The following SAMD5 variants were observed in gnomAD, a reference collection of about 807,000 sequenced individuals.
SAMD5 encodes sterile alpha motif domain-containing protein 5.
SAMD5 carries 13 observed loss-of-function variants against 11.3 expected under a neutral mutation model. That is an observed-to-expected ratio of 1.15 (90% CI 0.75 to 1.83). SAMD5 has a LOEUF of 1.83. Among genes scored for constraint, SAMD5 ranks in the 40% most tolerant of loss-of-function variants. The pLI is 0.00. For missense variants in SAMD5, 255 were observed against 239.1 expected, an observed-to-expected ratio of 1.07 and a Z score of -0.44; for synonymous variants, 129 against 111.3, an observed-to-expected ratio of 1.16 and a Z score of -1.00.
At chr6:147,771,141 A>G in the SAMD5 span, among the ~76,000 whole-genome samples, 1 of 152,202 alleles carries the variant, frequency 6.6e-6, no homozygotes, top group South Asian at 2.1e-4. Flanking sequence ...GCTCACCTAC[A>G]ACAAGATGAA....
chr6:147,914,951 A>G, the SAMD5 span, among the ~76,000 whole-genome samples: 1 of 152,208 alleles, frequency 6.6e-6, no homozygotes, highest in African/African-American at 2.4e-5. Context: ...AAATTTACAT[A>G]TCATAAAAGG....
chr6:147,830,918 A>AACCTTTAC, the SAMD5 span, among the ~76,000 whole-genome samples: 1 of 152,236 alleles, frequency 6.6e-6, no homozygotes, highest in African/African-American at 2.4e-5. Flanking sequence ...TACCTCTTCT[A>AACCTTTAC]ACCTTTACAG....
At chr6:147,906,912 G>A in the SAMD5 span, among the ~76,000 whole-genome samples, 26 of 152,196 alleles carry the variant, frequency 1.7e-4, no homozygotes, top group Admixed American at 7.8e-4. Context: ...GAGGATTTAG[G>A]TGGCTTTGTC....
intron 1 of SAMD5, among the ~76,000 whole-genome samples, chr6:147,538,923 C>CT (rs1788555313): frequency 6.6e-6 from 1 of 152,032 alleles, no homozygotes; most frequent in Admixed American, 6.5e-5. Context: ...TTAATCAGAG[C>CT]TTTTTTATAT....
At chr6:147,895,287 G>T in the SAMD5 span, among the ~76,000 whole-genome samples, 1 of 152,010 alleles carries the variant, frequency 6.6e-6, no homozygotes, top group South Asian at 2.1e-4. Flanking sequence ...CCTGGAAAAT[G>T]CCCTTGTTAC....
chr6:147,533,087 G>C (rs1266095293), intron 1 of SAMD5, among the ~76,000 whole-genome samples: 1 of 152,064 alleles, frequency 6.6e-6, no homozygotes, highest in African/African-American at 2.4e-5. Flanking sequence ...GTTGGGAAGG[G>C]GGCTGGCGGT....
intron 1 of SAMD5, among the ~76,000 whole-genome samples, chr6:147,577,396 T>C (rs892453049): frequency 1.3e-5 from 2 of 152,210 alleles, no homozygotes; most frequent in Non-Finnish European, 2.9e-5. Flanking sequence ...TAGGTGTAAT[T>C]AATTAAGGCA....
intron 1 of SAMD5, among the ~76,000 whole-genome samples, chr6:147,682,364 A>G (rs148195955): frequency 1.4e-3 from 208 of 152,334 alleles, no homozygotes; most frequent in Middle Eastern, 3.4e-3. Context: ...TATCTTGACC[A>G]GAATTGGAAG....
At chr6:147,946,530 T>G in the SAMD5 span, among the ~76,000 whole-genome samples, 1 of 152,194 alleles carries the variant, frequency 6.6e-6, no homozygotes, top group Admixed American at 6.5e-5. Context: ...TATAATATCT[T>G]TATGGATTCC....
At chr6:147,643,891 G>GTCCTAAGGTAAAGAAGAGTCTTTACTA (rs1554239659) in intron 1 of SAMD5, among the ~76,000 whole-genome samples, 2 of 139,692 alleles carry the variant, frequency 1.4e-5, no homozygotes, top group African/African-American at 2.6e-5. Context: ...AGAAAGAAAT[G>GTCCTAAGGTAAAGAAGAGTCTTTACTA]ATAAGTTCCT....
chr6:147,884,878 T>C, the SAMD5 span, among the ~76,000 whole-genome samples: 6,831 of 152,168 alleles, frequency 0.045, 188 homozygotes, highest in Non-Finnish European at 0.058. Context: ...TATTAGGGAG[T>C]TGTCATCTTG....
At chr6:147,860,110 G>T in the SAMD5 span, among the ~76,000 whole-genome samples, 9 of 151,860 alleles carry the variant, frequency 5.9e-5, no homozygotes, top group East Asian at 1.4e-3. Flanking sequence ...GCAGGGCCTT[G>T]CTCTCTCTCT....
chr6:147,554,895 G>A (rs868165315), intron 1 of SAMD5, among the ~76,000 whole-genome samples: 1 of 152,140 alleles, frequency 6.6e-6, no homozygotes, highest in African/African-American at 2.4e-5. Context: ...GGCCCTTTCA[G>A]GGGGTCTGCA....
the SAMD5 span, among the ~76,000 whole-genome samples, chr6:147,880,217 C>T: frequency 8.4e-4 from 128 of 152,216 alleles, 4 homozygotes; most frequent in South Asian, 0.025. Context: ...AAAGTTCCAA[C>T]GACTTTGTCT....
intron 1 of SAMD5, among the ~76,000 whole-genome samples, chr6:147,559,587 C>T (rs1291990871): frequency 6.6e-6 from 1 of 151,992 alleles, no homozygotes; most frequent in Non-Finnish European, 1.5e-5. Context: ...GAATTTTTCT[C>T]CAGGAAGTAG....
chr6:147,567,050 G>C lies in SAMD5; in HGVS notation c.*2594G>C. On this transcript the variant is annotated 3_prime_UTR_variant, in exon 2 of 2. Transcript: ENST00000367474. ...TTACATTTCCTAGAGTATTAAAAGAGATTAATTACAGACTTTCACTTGATA... is the reference window on the plus strand; with the variant it reads ...TTACATTTCCTAGAGTATTAAAAGACATTAATTACAGACTTTCACTTGATA... 2.1e-6 allele frequency: 2 copies of C among 949,462 alleles called. 1 individual carries two copies. The highest frequency in any genetic ancestry group is 3.5e-5 in the African/African-American group (2 of 56,534). The allele number at this position is 949,462 out of a possible 1,614,324, so 58.8% of individuals were successfully genotyped here. A position where few individuals can be genotyped will look rare whatever the true frequency, so the allele number is the denominator to read the frequency against.
At position 147,566,426 on chromosome 6, in the gene SAMD5, T is replaced by C; in HGVS notation, c.*1970T>C. On this transcript the variant is annotated 3_prime_UTR_variant, in exon 2 of 2. Transcript: ENST00000367474. Reference sequence around the variant, plus strand: ...TCCTGTTTGACCTCATTTCCAGGTGTCGCATCCGTGGCTGATTTATTTCAC... The same window carrying C: ...TCCTGTTTGACCTCATTTCCAGGTGCCGCATCCGTGGCTGATTTATTTCAC... The C allele has an allele frequency of 1.0e-6, 1 of 985,152 alleles. No individual in the cohort carries two copies. Among genetic ancestry groups the C allele is most frequent in the Non-Finnish European group, 1.2e-6 (1 of 829,284 alleles). 61.0% of individuals were successfully genotyped at this position (985,152 alleles called of 1,614,324 possible). A position where few individuals can be genotyped will look rare whatever the true frequency, so the allele number is the denominator to read the frequency against.
Position 147,566,215 on chromosome 6 carries a change from A to T in SAMD5, c.*1759A>T. 1 of 976,664 alleles carries T rather than the reference A, an allele frequency of 1.0e-6. No individual in the cohort carries two copies. The allele number at this position is 976,664 out of a possible 1,614,324, so 60.5% of individuals were successfully genotyped here. ...TGTAAGGAAGTTAAATTTTAAAAGC[A>T]TGTATAGGTTGTCCTTAAATTATAC... On this transcript the variant is annotated 3_prime_UTR_variant, in exon 2 of 2. Transcript: ENST00000367474.
At chr6:147,753,841 T>C in the SAMD5 span, among the ~76,000 whole-genome samples, 1 of 152,192 alleles carries the variant, frequency 6.6e-6, no homozygotes, top group Admixed American at 6.5e-5. Flanking sequence ...TCACTTAATA[T>C]TGTGATCTCC....
Sources: allele counts gnomAD v4.1 joint callset (sites outside exome capture counted in the v4.1 genomes callset), GRCh38; gene constraint gnomAD v4.1.1; transcripts MANE v1.5; gene names NCBI Gene and HGNC (gene_info 2026-07-23, HGNC 2026-07-21).